The following CC2D2A variants were observed in gnomAD, a reference collection of about 807,000 sequenced individuals.
The protein encoded by CC2D2A is coiled-coil and C2 domain-containing protein 2A.
CC2D2A carries 155 observed loss-of-function variants against 212.9 expected under a neutral mutation model. The ratio of observed to expected loss-of-function variants is 0.73; its 90% CI spans 0.64 to 0.83. The LOEUF is 0.83. Ranked by LOEUF, CC2D2A falls within the 40% of genes least tolerant of loss-of-function variation. The pLI is 0.00. For synonymous variants in CC2D2A, 667 were observed against 686.5 expected, an observed-to-expected ratio of 0.97 and a Z score of 0.44; for missense variants, 1,856 against 1,956.2, an observed-to-expected ratio of 0.95 and a Z score of 0.97.
At chr4:15,494,943 G>T (rs1374798831) in intron 4 of CC2D2A, among the ~76,000 whole-genome samples, 1 of 152,068 alleles carries the variant, frequency 6.6e-6, no homozygotes, top group Non-Finnish European at 1.5e-5. Context: ...AGGTTCAAGG[G>T]GTACATGTGC....
Position 15,580,170 on chromosome 4 carries a change from CAGTA to C in CC2D2A, c.3975+4_3975+7del, listed in dbSNP as rs386833759. The C allele has an allele frequency of 2.5e-6, 4 of 1,609,986 alleles. No individual in the cohort carries two copies. The highest frequency in any genetic ancestry group is 3.4e-6 in the Non-Finnish European group (4 of 1,176,644). ...TACCCCAATAATCTACAGGCAACTGCAGTAAGTATTTCATAGTCAATAAGTGCTG... is the reference window on the plus strand; with the variant it reads ...TACCCCAATAATCTACAGGCAACTGCAGTATTTCATAGTCAATAAGTGCTG... On this transcript the variant is annotated splice_donor_variant and splice_donor_region_variant and coding_sequence_variant and intron_variant, in exon 30 of 37. Transcript: ENST00000424120. LOFTEE classifies it high-confidence loss of function.
At chr4:15,590,973 C>T (rs1243270127) in intron 33 of CC2D2A, among the ~76,000 whole-genome samples, 1 of 152,128 alleles carries the variant, frequency 6.6e-6, no homozygotes, top group African/African-American at 2.4e-5. Flanking sequence ...AGTGATCCAC[C>T]TGCCTTAGCC....
At chr4:15,595,995 C>A in intron 33 of CC2D2A, 90 bp from the exon 34 acceptor site, 2 of 868,398 alleles carry the variant, frequency 2.3e-6, no homozygotes, top group Non-Finnish European at 3.2e-6. Flanking sequence ...TGTCTCTCTG[C>A]TGCCTCTATG....
intron 1 of CC2D2A, 90 bp from the exon 2 acceptor site, chr4:15,475,825 C>A (rs1214107882): frequency 2.9e-6 from 3 of 1,048,686 alleles, no homozygotes; most frequent in Non-Finnish European, 4.3e-6. Flanking sequence ...CTTCACTTAC[C>A]ATCATGGCCA....
intron 8 of CC2D2A, 152 bp downstream of exon 8, chr4:15,511,575 C>T: frequency 1.6e-6 from 1 of 622,098 alleles, no homozygotes; most frequent in Non-Finnish European, 2.5e-6. Context: ...GTACTGAATT[C>T]ACATGGCTCC....
chr4:15,576,452 T>C (rs1026830588), intron 29 of CC2D2A: 3 of 808,880 alleles, frequency 3.7e-6, no homozygotes, highest in African/African-American at 1.9e-5. Flanking sequence ...TATTTACCAA[T>C]GGAAAATTTT....
chr4:15,562,593 C>T (rs1425867265), intron 23 of CC2D2A, among the ~76,000 whole-genome samples: 2 of 152,202 alleles, frequency 1.3e-5, no homozygotes, highest in African/African-American at 4.8e-5. Flanking sequence ...TGGCATCAAC[C>T]CAATAGTTAC....
At chr4:15,577,708 GAC>G (rs1367484752) in intron 29 of CC2D2A, among the ~76,000 whole-genome samples, 2 of 151,918 alleles carry the variant, frequency 1.3e-5, no homozygotes, top group African/African-American at 2.4e-5. Flanking sequence ...AAAAGCTTTA[GAC>G]ACACTTTTTT....
At position 15,540,872 on chromosome 4, in the gene CC2D2A, G is replaced by C; in HGVS notation, c.2039G>C (p.Arg680Pro). ...TCGAGAAGGGAGGATGTAAAGAAGC[G>C]CTCAGTGTACTTAAAAGTGCTGTTC... ...EVSRREDVKK[R>P]SVYLKVLFNN... Residue 680 changes from arginine to proline, a missense_variant, in exon 17 of 37, where the codon CGC becomes CCC. Physicochemically the swap from Arg to Pro is moderately radical, Grantham distance 103. Around this residue, in one of 5 missense-constraint regions of CC2D2A, gnomAD observed 1,512 missense variants for 1,579.3 expected, o/e 0.96. Coordinates refer to ENST00000424120, the MANE Select transcript of CC2D2A (RefSeq NM_001378615.1). 6.3e-7 allele frequency: 1 copy of C among 1,599,852 alleles called. No individual in the cohort carries two copies.
chr4:15,492,279 T>G (rs1261589420), intron 4 of CC2D2A, among the ~76,000 whole-genome samples: 2 of 151,686 alleles, frequency 1.3e-5, no homozygotes, highest in African/African-American at 2.4e-5. Flanking sequence ...AATGATTACT[T>G]CTCACTCTCT....
At chr4:15,588,065 G>T (rs1051628695) in intron 32 of CC2D2A, 136 bp downstream of exon 32, 3 of 559,782 alleles carry the variant, frequency 5.4e-6, no homozygotes, top group Middle Eastern at 2.8e-4. Flanking sequence ...TGCCGTAACG[G>T]GCAGAGAGAA....
chr4:15,500,512 C>T (rs971894829), intron 4 of CC2D2A, among the ~76,000 whole-genome samples: 2 of 152,126 alleles, frequency 1.3e-5, no homozygotes, highest in Non-Finnish European at 2.9e-5. Context: ...GAACTTTGAA[C>T]CTCAACACAT....
chr4:15,573,139 C>T (rs111609203), intron 28 of CC2D2A, among the ~76,000 whole-genome samples: 1 of 152,104 alleles, frequency 6.6e-6, no homozygotes, highest in African/African-American at 2.4e-5. Context: ...TCAGTCCAAT[C>T]GATACTTAAC....
At chr4:15,504,445 G>A (rs145205172) in intron 6 of CC2D2A, among the ~76,000 whole-genome samples, 95 of 152,192 alleles carry the variant, frequency 6.2e-4, no homozygotes, top group African/African-American at 2.1e-3. Context: ...TTATTTTGGC[G>A]GGCATATGAG....
At position 15,557,306 on chromosome 4, in the gene CC2D2A, TGCTACCAGTGGTGAA is replaced by T; in HGVS notation, c.2629_2643del (p.Ala877_Glu881del). The stretch of plus-strand genomic sequence containing the variant: ...TTTGCATTTTCCGTTTTTTATAGGT[TGCTACCAGTGGTGAA>T]TCCTATGTCCCTGATTTCTTTAGAC... On this transcript the variant is annotated inframe_deletion, in exon 21 of 37. Coordinates refer to ENST00000424120, the MANE Select transcript of CC2D2A (RefSeq NM_001378615.1). 1 of 1,606,504 alleles carries T rather than the reference TGCTACCAGTGGTGAA, an allele frequency of 6.2e-7. No homozygotes were observed. The highest frequency in any genetic ancestry group is 1.7e-5 in the Admixed American group (1 of 58,892).
chr4:15,545,673 C>T (rs1032190361), intron 17 of CC2D2A, among the ~76,000 whole-genome samples: 2 of 151,638 alleles, frequency 1.3e-5, no homozygotes, highest in African/African-American at 4.8e-5. Flanking sequence ...CACAGAAAGC[C>T]AGGAGTGAGG....
intron 13 of CC2D2A, among the ~76,000 whole-genome samples, chr4:15,529,363 CAG>C (rs1422849588): frequency 6.7e-6 from 1 of 149,872 alleles, no homozygotes; most frequent in African/African-American, 2.5e-5. Context: ...GCCTGGGTAA[CAG>C]AGTGAGACCT....
intron 6 of CC2D2A, 102 bp from the exon 7 acceptor site, chr4:15,510,037 C>A: frequency 2.4e-6 from 2 of 829,574 alleles, no homozygotes; most frequent in Non-Finnish European, 2.0e-6. Flanking sequence ...CAGCAGCAGT[C>A]AGAAGATAAG....
chr4:15,510,329 C>A, intron 7 of CC2D2A, 89 bp downstream of exon 7: 1 of 1,114,378 alleles, frequency 9.0e-7, no homozygotes. Context: ...GGTGTGGTGG[C>A]TCACGCCTGC....
Sources: gnomAD v4.1 joint callset for allele counts (sites outside exome capture counted in the v4.1 genomes callset) on GRCh38, gnomAD v4.1.1 for gene constraint, gnomAD v4.1.1 regional missense constraint, MANE v1.5 for transcripts, NCBI Gene and HGNC (gene_info 2026-07-23, HGNC 2026-07-21) for gene names.